The following ALDH1A1 variants were observed in gnomAD, a reference collection of about 807,000 sequenced individuals.
ALDH1A1 encodes the protein aldehyde dehydrogenase 1 family member A1.
ALDH1A1 carries 19 observed loss-of-function variants against 62.1 expected under a neutral mutation model. The ratio of observed to expected loss-of-function variants is 0.31; its 90% confidence interval spans 0.21 to 0.45. ALDH1A1 has a LOEUF of 0.45. ALDH1A1 is among the 20% of genes least tolerant of loss of function. The pLI, the probability that ALDH1A1 is intolerant of heterozygous loss-of-function variation, is 1.00. For missense variants in ALDH1A1, 521 were observed against 607.1 expected, an observed-to-expected ratio of 0.86 and a Z score of 1.49; for synonymous variants, 231 against 215.9, an observed-to-expected ratio of 1.07 and a Z score of -0.61.
chr9:72,901,785 A>T (rs1211770558), intron 12 of ALDH1A1, among the ~76,000 whole-genome samples: 2 of 152,040 alleles, frequency 1.3e-5, no homozygotes, highest in African/African-American at 4.8e-5. Context: ...ACTAGAGCAG[A>T]GCTTGTATTT....
Position 72,918,739 on chromosome 9 carries a change from A to G in ALDH1A1, c.831T>C (p.Ile277=). 1 of 1,612,706 alleles carries G rather than the reference A, an allele frequency of 6.2e-7. No homozygotes were observed. Among genetic ancestry groups the G allele is most frequent in the Non-Finnish European group, 8.5e-7 (1 of 1,179,630 alleles). The part of the protein sequence containing the change: ...TLELGGKSPC[I]VLADADLDNA... ...ACTCACAGTCGGCATCAGCTAACACAATGCAAGGGCTCTTTCCTCCAAGCT... is the reference window on the plus strand; with the variant it reads ...ACTCACAGTCGGCATCAGCTAACACGATGCAAGGGCTCTTTCCTCCAAGCT... The change falls in exon 8 of 13, where the codon ATT becomes ATC. Residue 277 remains isoleucine, a synonymous_variant. Transcript: ENST00000297785.
Position 72,915,825 on chromosome 9 carries a change from C to T in ALDH1A1, c.1035+1095G>A, listed in dbSNP as rs187531381. On this transcript the variant is annotated intron_variant, in intron 9 of 12. Coordinates refer to ENST00000297785, the MANE Select transcript of ALDH1A1 (RefSeq NM_000689.5). ...TTTTGGCATTGCCAGGTACCCATCT[C>T]AAGTTTTAGCTGATAGCAACGTTCA... 2.6e-3 allele frequency among the ~76,000 whole-genome samples: 403 copies of T among 152,330 alleles called. 4 individuals are homozygous for T. Among genetic ancestry groups the T allele is most frequent in the African/African-American group, 9.4e-3 (389 of 41,582 alleles).
In ALDH1A1 at chr9:72,916,965, A is replaced by G. The variant is rs761610314; in HGVS notation, c.990T>C (p.Tyr330=). The G allele has an allele frequency of 1.2e-6, 2 of 1,613,412 alleles. No individual in the cohort carries two copies. The highest frequency in any genetic ancestry group is 1.3e-5 in the African/African-American group (1 of 74,834). Residue 330 remains tyrosine (Y), a synonymous_variant, in exon 9 of 13, where the codon TAT becomes TAC. Transcript: ENST00000297785. Reference sequence around the variant, plus strand: ...CTGGGGTCAGAGGATTTCCAAGGATATACTTCTTAGCCCGCTCAACACTCC... The same window carrying G: ...CTGGGGTCAGAGGATTTCCAAGGATGTACTTCTTAGCCCGCTCAACACTCC... The part of the protein sequence containing the change: ...VRRSVERAKK[Y]ILGNPLTPGV...
intron 1 of ALDH1A1, among the ~76,000 whole-genome samples, chr9:72,941,336 T>G (rs560169607): frequency 7.2e-5 from 11 of 152,302 alleles, no homozygotes; most frequent in Non-Finnish European, 1.2e-4. Flanking sequence ...AATTACTTAT[T>G]TATTAAAAAT....
chr9:72,912,048 A>T lies in ALDH1A1; in HGVS notation c.1110T>A (p.Cys370Ter). ...CTTTATTCCCCCACGGGCCTCCTCCACATTCCAGTTTGGCCCCTTCTTTCT... is the reference window on the plus strand; with the variant it reads ...CTTTATTCCCCCACGGGCCTCCTCCTCATTCCAGTTTGGCCCCTTCTTTCT... ...SGKKEGAKLE[C>*]GGGPWGNKGY... is the part of the protein sequence containing the mutation. The change falls in exon 10 of 13, where the codon TGT becomes TGA. Residue 370 changes from cysteine (C) to a stop codon, truncating the protein, a stop_gained. Transcript: ENST00000297785. LOFTEE classifies it high-confidence loss of function. 1 of 1,613,882 alleles carries T rather than the reference A, an allele frequency of 6.2e-7. No homozygotes were observed. The highest frequency in any genetic ancestry group is 8.5e-7 in the Non-Finnish European group (1 of 1,179,840).
In ALDH1A1 at chr9:72,931,026, G is replaced by A. The variant is rs1008744596; in HGVS notation, c.172-7C>T. The A allele has an allele frequency of 3.1e-6, 5 of 1,613,800 alleles. No homozygotes were observed. Among genetic ancestry groups the A allele is most frequent in the Non-Finnish European group, 4.2e-6 (5 of 1,179,818 alleles). On this transcript the variant is annotated splice_region_variant and splice_polypyrimidine_tract_variant and intron_variant, in intron 2 of 12. Coordinates refer to ENST00000297785, the MANE Select transcript of ALDH1A1 (RefSeq NM_000689.5). The stretch of plus-strand genomic sequence containing the variant: ...CTGCCTTGTCAACATCCTCCTGTAA[G>A]TCAACAGGAATTCAATTCAGTAAGC...
chr9:72,946,639 A>G (rs1480881525), intron 1 of ALDH1A1, among the ~76,000 whole-genome samples: 2 of 151,960 alleles, frequency 1.3e-5, no homozygotes, highest in Non-Finnish European at 2.9e-5. Flanking sequence ...TCCTTGCTCA[A>G]ATTCTTTTGA....
At chr9:72,929,349 T>C (rs1830251287) in intron 3 of ALDH1A1, among the ~76,000 whole-genome samples, 1 of 152,222 alleles carries the variant, frequency 6.6e-6, no homozygotes, top group African/African-American at 2.4e-5. Flanking sequence ...GTCTTCTAAG[T>C]CCTATCAGAA....
chr9:72,932,701 A>G (rs1830297424), intron 2 of ALDH1A1, among the ~76,000 whole-genome samples: 1 of 152,220 alleles, frequency 6.6e-6, no homozygotes, highest in Non-Finnish European at 1.5e-5. Flanking sequence ...TTATATTTAG[A>G]CATTGTTTCA....
At chr9:72,905,357 A>G (rs1379167708) in intron 12 of ALDH1A1, among the ~76,000 whole-genome samples, 2 of 152,136 alleles carry the variant, frequency 1.3e-5, no homozygotes, top group African/African-American at 2.4e-5. Flanking sequence ...AAATGCATTT[A>G]TATATAAATA....
chr9:72,932,279 T>TA (rs1830291070), intron 2 of ALDH1A1, among the ~76,000 whole-genome samples: 1 of 152,180 alleles, frequency 6.6e-6, no homozygotes, highest in East Asian at 1.9e-4. Flanking sequence ...TAGATTTTTT[T>TA]AAAAAATTGT....
chr9:72,952,331 T>C (rs1489834467), intron 1 of ALDH1A1, among the ~76,000 whole-genome samples: 1 of 151,952 alleles, frequency 6.6e-6, no homozygotes, highest in Non-Finnish European at 1.5e-5. Context: ...TCTCTAAATA[T>C]TTATCAGTTA....
In ALDH1A1 at chr9:72,911,974, C is replaced by T. The variant is rs1019486726; in HGVS notation, c.1184G>A (p.Arg395His). The T allele has an allele frequency of 1.2e-6, 2 of 1,613,918 alleles. No individual in the cohort carries two copies. The highest frequency in any genetic ancestry group is 1.3e-5 in the African/African-American group (1 of 75,016). ...TVFSNVTDEM[R>H]IAKEEIFGPV... ...GCCATTTACCTCCTCTTTGGCAATGCGCATCTCATCTGTAACATTAGAGAA... is the reference window on the plus strand; with the variant it reads ...GCCATTTACCTCCTCTTTGGCAATGTGCATCTCATCTGTAACATTAGAGAA... The change falls in exon 10 of 13, where the codon CGC becomes CAC. Residue 395 changes from arginine to histidine, a missense_variant. By Grantham distance (29) the Arg-to-His change is conservative (BLOSUM62 0). Transcript: ENST00000297785.
intron 7 of ALDH1A1, among the ~76,000 whole-genome samples, chr9:72,921,172 C>T (rs961329289): frequency 6.8e-6 from 1 of 148,014 alleles, no homozygotes; most frequent in African/African-American, 2.5e-5. Flanking sequence ...GCATGAACCA[C>T]GGAGGTGGAG....
chr9:72,931,860 A>T (rs377735274), intron 2 of ALDH1A1, among the ~76,000 whole-genome samples: 2 of 152,210 alleles, frequency 1.3e-5, no homozygotes, highest in Admixed American at 1.3e-4. Context: ...AACTACATTA[A>T]TTCAAGTAAA....
chr9:72,933,167 A>T (rs1401930705), intron 2 of ALDH1A1, among the ~76,000 whole-genome samples: 2 of 152,212 alleles, frequency 1.3e-5, no homozygotes, highest in Non-Finnish European at 2.9e-5. Context: ...TTGAATTCTG[A>T]TTCCTCTTCA....
chr9:72,912,843 A>G (rs1465988998), intron 9 of ALDH1A1, among the ~76,000 whole-genome samples: 1 of 152,196 alleles, frequency 6.6e-6, no homozygotes, highest in African/African-American at 2.4e-5. Flanking sequence ...AAAATAAATG[A>G]GTTTGGAGTT....
At chr9:72,902,469 C>T (rs1829817927) in intron 12 of ALDH1A1, among the ~76,000 whole-genome samples, 1 of 151,896 alleles carries the variant, frequency 6.6e-6, no homozygotes, top group Non-Finnish European at 1.5e-5. Context: ...GGCAATTAAG[C>T]TTTTGAAAAT....
intron 8 of ALDH1A1, among the ~76,000 whole-genome samples, 154 bp downstream of exon 8, chr9:72,918,566 T>C (rs1830093101): frequency 6.6e-6 from 1 of 151,902 alleles, no homozygotes; most frequent in South Asian, 2.1e-4. Context: ...TAAGAGATTT[T>C]CAAGAGTAAT....
Sources: allele counts gnomAD v4.1 joint callset (sites outside exome capture counted in the v4.1 genomes callset), GRCh38; gene constraint gnomAD v4.1.1; transcripts MANE v1.5; gene names NCBI Gene and HGNC (gene_info 2026-07-23, HGNC 2026-07-21).